Variants in TRIM9 observed in about 807,000 individuals in gnomAD.
TRIM9 encodes tripartite motif containing 9.
A neutral mutation model predicts 78.3 loss-of-function variants in TRIM9; 26 were observed. The ratio of observed to expected loss-of-function variants is 0.33; its 90% CI spans 0.24 to 0.46. The LOEUF is 0.46. Among genes scored for constraint, TRIM9 ranks in the 20% least tolerant of loss-of-function variants. TRIM9 has a pLI of 1.00. For missense variants in TRIM9, 787 were observed against 1,036.4 expected (o/e 0.76, Z 3.30); for synonymous variants, 398 against 416.5 (o/e 0.96, Z 0.54).
At chr14:51,022,787 G>A in intron 3 of TRIM9, 48 bp downstream of exon 3, 1 of 1,610,084 alleles carries the variant, frequency 6.2e-7, no homozygotes. Context: ...ATGCCCCTCG[G>A]GAGCCTGGCT....
chr14:51,058,880 T>C (rs1002786349), intron 1 of TRIM9, among the ~76,000 whole-genome samples: 2 of 152,216 alleles, frequency 1.3e-5, no homozygotes, highest in Non-Finnish European at 2.9e-5. Flanking sequence ...CATAGTGAGT[T>C]ATATTCTTAG....
At chr14:50,996,877 C>T in intron 7 of TRIM9, 3 of 985,400 alleles carry the variant, frequency 3.0e-6, no homozygotes, top group Non-Finnish European at 3.6e-6. Flanking sequence ...AACTGCTCCC[C>T]AAAGCACTGT....
intron 1 of TRIM9, among the ~76,000 whole-genome samples, chr14:51,032,872 T>C (rs1392156870): frequency 6.6e-6 from 1 of 152,186 alleles, no homozygotes; most frequent in Non-Finnish European, 1.5e-5. Flanking sequence ...AAATCCAAAA[T>C]CTGAAACATT....
At chr14:51,092,581 T>C (rs2064461083) in intron 1 of TRIM9, among the ~76,000 whole-genome samples, 1 of 152,132 alleles carries the variant, frequency 6.6e-6, no homozygotes, top group South Asian at 2.1e-4. Flanking sequence ...AACTCAGTGA[T>C]GTAAAGAAAA....
chr14:50,979,353 A>C (rs372296103), intron 12 of TRIM9, 34 bp downstream of exon 12: 1 of 1,614,090 alleles, frequency 6.2e-7, no homozygotes, highest in African/African-American at 1.3e-5. Flanking sequence ...GGTAGCCAGC[A>C]ACAGCTGTTT....
At chr14:51,067,059 C>T (rs1188903515) in intron 1 of TRIM9, among the ~76,000 whole-genome samples, 1 of 152,130 alleles carries the variant, frequency 6.6e-6, no homozygotes, top group Non-Finnish European at 1.5e-5. Context: ...GAGCTGTAGA[C>T]CAGGGCATTA....
intron 1 of TRIM9, among the ~76,000 whole-genome samples, chr14:51,041,153 C>G (rs1318432367): frequency 6.6e-6 from 1 of 152,194 alleles, no homozygotes; most frequent in Non-Finnish European, 1.5e-5. Flanking sequence ...CAGCTCCAGC[C>G]TAGGGAAAAT....
chr14:51,000,787 G>A lies in TRIM9; in HGVS notation c.1360C>T (p.His454Tyr). Residue 454 changes from histidine (H) to tyrosine (Y), a missense_variant, in exon 6 of 13, where the codon CAC becomes TAC. Coordinates refer to ENST00000684578, the MANE Select transcript of TRIM9 (RefSeq NM_001387360.1). Reference protein sequence around the residue: ...PILQLEECCTHNNSATLSWKQ... With the variant: ...PILQLEECCTYNNSATLSWKQ... The stretch of plus-strand genomic sequence containing the variant: ...CAGGACAACGTAGCGCTGTTGTTGT[G>A]GGTACAACATTCCTCCAGCTGTAGG... 1 of 1,614,182 alleles carries A rather than the reference G, an allele frequency of 6.2e-7. No homozygotes were observed. Among genetic ancestry groups the A allele is most frequent in the African/African-American group, 1.3e-5 (1 of 75,044 alleles).
At chr14:50,980,479 AAGAC>A (rs2051721428) in intron 11 of TRIM9, among the ~76,000 whole-genome samples, 1 of 152,214 alleles carries the variant, frequency 6.6e-6, no homozygotes, top group Non-Finnish European at 1.5e-5. Context: ...TAGTCATTAA[AAGAC>A]AGGTTTACAA....
chr14:51,030,977 T>C (rs1163772710), intron 1 of TRIM9, among the ~76,000 whole-genome samples: 1 of 151,858 alleles, frequency 6.6e-6, no homozygotes, highest in South Asian at 2.1e-4. Flanking sequence ...TGAAACCTTG[T>C]CTCTACTGAA....
intron 3 of TRIM9, among the ~76,000 whole-genome samples, chr14:51,011,666 T>A (rs978784418): frequency 4.6e-5 from 7 of 152,232 alleles, no homozygotes; most frequent in African/African-American, 1.4e-4. Flanking sequence ...TTCTTTTCAT[T>A]TTTGGTTATA....
intron 4 of TRIM9, 49 bp from the exon 5 acceptor site, chr14:51,009,282 G>C (rs1238033868): frequency 6.2e-7 from 1 of 1,606,762 alleles, no homozygotes; most frequent in African/African-American, 1.3e-5. Flanking sequence ...CACCACACTT[G>C]AAACACAACA....
chr14:50,982,625 T>A, intron 10 of TRIM9: 1 of 396,540 alleles, frequency 2.5e-6, no homozygotes, highest in Non-Finnish European at 4.6e-6. Flanking sequence ...TGCGAAGCTA[T>A]AAGCAACATA....
intron 1 of TRIM9, chr14:51,088,919 T>C (rs1392889639): frequency 1.3e-5 from 2 of 151,808 alleles, no homozygotes; most frequent in African/African-American, 2.4e-5. Flanking sequence ...TGTTAATTCA[T>C]ATGCTTTTGT....
chr14:51,032,361 A>G (rs150295623), intron 1 of TRIM9, among the ~76,000 whole-genome samples: 94 of 152,338 alleles, frequency 6.2e-4, no homozygotes, highest in African/African-American at 2.2e-3. Context: ...TCTCTCAAAG[A>G]CTATGCATCC....
intron 1 of TRIM9, among the ~76,000 whole-genome samples, chr14:51,086,480 G>C (rs945514541): frequency 6.6e-6 from 1 of 152,058 alleles, no homozygotes; most frequent in South Asian, 2.1e-4. Flanking sequence ...TTAAAATACC[G>C]GGTTATATTG....
At chr14:51,092,810 A>G (rs1037813329) in intron 1 of TRIM9, among the ~76,000 whole-genome samples, 2 of 152,198 alleles carry the variant, frequency 1.3e-5, no homozygotes, top group African/African-American at 4.8e-5. Context: ...AAAAAATAAC[A>G]TAATTAAAAT....
At chr14:51,034,207 A>T (rs2058960560) in intron 1 of TRIM9, among the ~76,000 whole-genome samples, 1 of 152,194 alleles carries the variant, frequency 6.6e-6, no homozygotes, top group Non-Finnish European at 1.5e-5. Flanking sequence ...GATTACAAAC[A>T]GTCATCAACA....
At chr14:50,995,424 T>A (rs1246595211) in intron 7 of TRIM9, among the ~76,000 whole-genome samples, 1 of 152,186 alleles carries the variant, frequency 6.6e-6, no homozygotes, top group Non-Finnish European at 1.5e-5. Flanking sequence ...TGGTCACTTA[T>A]CAAGCACTGC....
Sources: gnomAD v4.1 joint callset for allele counts (sites outside exome capture counted in the v4.1 genomes callset) on GRCh38, gnomAD v4.1.1 for gene constraint, MANE v1.5 for transcripts, NCBI Gene and HGNC (gene_info 2026-07-23, HGNC 2026-07-21) for gene names.